Variants in PNLIPRP3 observed in about 807,000 individuals in gnomAD.
The protein encoded by PNLIPRP3 is pancreatic lipase-related protein 3.
Under a neutral mutation model 52.8 loss-of-function variants are expected in PNLIPRP3, and 58 were observed. That is an observed-to-expected ratio of 1.10 (90% CI 0.89 to 1.37). The LOEUF (loss-of-function observed/expected upper bound fraction) is 1.37, where lower values mean the gene tolerates loss of function less well. PNLIPRP3 is among the 40% of genes most tolerant of loss of function. The pLI, the probability that PNLIPRP3 is intolerant of heterozygous loss-of-function variation, is 0.00. For synonymous variants in PNLIPRP3, 192 were observed against 185.0 expected (o/e 1.04, Z -0.31); for missense variants, 593 against 561.6 (o/e 1.06, Z -0.57).
chr10:116,445,858 C>T (rs1302713733), intron 4 of PNLIPRP3, among the ~76,000 whole-genome samples: 1 of 152,108 alleles, frequency 6.6e-6, no homozygotes, highest in East Asian at 1.9e-4. Context: ...TTCTCCACCT[C>T]TCTTTCTGTC....
intron 4 of PNLIPRP3, among the ~76,000 whole-genome samples, chr10:116,451,059 G>A (rs1846029023): frequency 1.3e-5 from 2 of 152,232 alleles, no homozygotes; most frequent in African/African-American, 4.8e-5. Flanking sequence ...TGAAAGTACA[G>A]CAATTAAAGC....
Position 116,444,362 on chromosome 10 carries a change from T to C in PNLIPRP3, c.325-20T>C, listed in dbSNP as rs1412487325. 6.4e-7 allele frequency: 1 copy of C among 1,569,164 alleles called. No individual in the cohort carries two copies. Among genetic ancestry groups the C allele is most frequent in the South Asian group, 1.2e-5 (1 of 83,714 alleles). ...CTTGAACACTTATTTATTTAATATT[T>C]ATATAAATCTTTGTGCCAGGTGTTG... On this transcript the variant is annotated intron_variant, in intron 3 of 11. Transcript: ENST00000369230.
chr10:116,430,747 T>C (rs571382230), intron 1 of PNLIPRP3, among the ~76,000 whole-genome samples: 1 of 152,322 alleles, frequency 6.6e-6, no homozygotes, highest in East Asian at 1.9e-4. Flanking sequence ...CTGCCATAAA[T>C]TTAACAATTG....
chr10:116,436,647 T>C (rs1032482562), intron 1 of PNLIPRP3, 64 bp from the exon 2 acceptor site: 3 of 1,423,678 alleles, frequency 2.1e-6, no homozygotes, highest in Non-Finnish European at 2.8e-6. Context: ...TAACTCATAG[T>C]GAGAAACACA....
At chr10:116,430,031 G>A (rs183473182) in intron 1 of PNLIPRP3, among the ~76,000 whole-genome samples, 4 of 152,316 alleles carry the variant, frequency 2.6e-5, no homozygotes, top group Admixed American at 2.6e-4. Flanking sequence ...AGTTGGTAAA[G>A]CAGGAGAAAG....
chr10:116,476,900 G>C, intron 11 of PNLIPRP3, 81 bp downstream of exon 11: 2 of 1,383,186 alleles, frequency 1.4e-6, no homozygotes, highest in Non-Finnish European at 1.9e-6. Flanking sequence ...TTTGAAATGT[G>C]CAAGTAGCAT....
rs1371254946 is a variant in PNLIPRP3, at chr10:116,465,533, T to TA, written c.809-507dup. 1.8e-3 allele frequency among the ~76,000 whole-genome samples: 264 copies of TA among 145,382 alleles called. 2 individuals are homozygous for TA. The highest frequency in any genetic ancestry group is 1.3e-3 in the Non-Finnish European group (88 of 66,104). On this transcript the variant is annotated intron_variant, in intron 7 of 11. Coordinates refer to ENST00000369230, the MANE Select transcript of PNLIPRP3 (RefSeq NM_001011709.3). ...CTGGGTGACAGAGCCAGACTCCATC[T>TA]AAAAAAAAAACAAAACAAACAAACA...
intron 1 of PNLIPRP3, 76 bp downstream of exon 1, chr10:116,428,137 T>C (rs1845663066): frequency 2.8e-6 from 3 of 1,077,040 alleles, no homozygotes; most frequent in Non-Finnish European, 4.1e-6. Flanking sequence ...TGACATGAAC[T>C]TATTCTTTAG....
At position 116,443,066 on chromosome 10, in the gene PNLIPRP3, G is replaced by T. The variant is rs1054480837; in HGVS notation, c.216G>T (p.Ala72=). The T allele has an allele frequency of 6.3e-7, 1 of 1,593,048 alleles. No homozygotes were observed. Among genetic ancestry groups the T allele is most frequent in the Non-Finnish European group, 8.6e-7 (1 of 1,165,936 alleles). ...HNPNAYQEIS[A]VNSSTIQASY... ...TCTGCTTGAAACAGGAGATCAGTGC[G>T]GTTAATTCTTCAACTATCCAAGCCT... Residue 72 remains alanine, a synonymous_variant, in exon 3 of 12, where the codon GCG becomes GCT. Transcript: ENST00000369230.
intron 2 of PNLIPRP3, chr10:116,439,921 G>T: frequency 1.1e-6 from 1 of 872,742 alleles, no homozygotes; most frequent in Non-Finnish European, 2.0e-6. Context: ...GCGCTTCTTG[G>T]AAAATTCTGC....
intron 4 of PNLIPRP3, among the ~76,000 whole-genome samples, chr10:116,453,172 GCCTGC>G: frequency 6.6e-6 from 1 of 152,262 alleles, no homozygotes; most frequent in Admixed American, 6.5e-5. Context: ...AAGATTTAAT[GCCTGC>G]CCTGCTGGGT....
chr10:116,476,813 G>C lies in PNLIPRP3; in HGVS notation c.1334G>C (p.Gly445Ala), dbSNP rs753083268. ...GTGATAAATACATCTGGGAAATATG[G>C]ATATAAGTAAGTATTGCTTTTTCCT... ...EMVINTSGKY[G>A]YKSTFCSQDI... The change falls in exon 11 of 12, where the codon GGA (glycine) becomes GCA (alanine). Residue 445 changes from glycine to alanine, a missense_variant. Coordinates refer to ENST00000369230, the MANE Select transcript of PNLIPRP3 (RefSeq NM_001011709.3). 2 of 1,591,746 alleles carry C rather than the reference G, an allele frequency of 1.3e-6. No homozygotes were observed. Among genetic ancestry groups the C allele is most frequent in the Admixed American group, 1.8e-5 (1 of 54,836 alleles).
In PNLIPRP3 at chr10:116,457,372, T is replaced by TCA. The variant is rs1491304471; in HGVS notation, c.565+1555_565+1556dup. Among the ~76,000 whole-genome samples, 38 of 151,650 alleles carry TCA rather than the reference T, an allele frequency of 2.5e-4. No individual in the cohort carries two copies. In the South Asian group the frequency reaches 4.2e-3, roughly 17 times the overall value. On this transcript the variant is annotated intron_variant, in intron 5 of 11. Coordinates refer to ENST00000369230, the MANE Select transcript of PNLIPRP3 (RefSeq NM_001011709.3). ...TGTGTGTACGTGCTCGCTCTCTCTC[T>TCA]CACACACACACACATACATGCACAC...
Position 116,455,845 on chromosome 10 carries a change from C to A in PNLIPRP3, c.565+15C>A. 1.9e-6 allele frequency: 3 copies of A among 1,582,728 alleles called. No homozygotes were observed. Among genetic ancestry groups the A allele is most frequent in the Non-Finnish European group, 8.7e-7 (1 of 1,151,928 alleles). On this transcript the variant is annotated intron_variant, in intron 5 of 11. Transcript: ENST00000369230. ...AAGAATAACTGGTAAGCATGCCCTGCAGTTGGGCCTTGAGTGTGTTTAAAT... is the reference window on the plus strand; with the variant it reads ...AAGAATAACTGGTAAGCATGCCCTGAAGTTGGGCCTTGAGTGTGTTTAAAT...
chr10:116,450,177 T>C (rs1594483), intron 4 of PNLIPRP3, among the ~76,000 whole-genome samples: 134,769 of 152,232 alleles, frequency 0.89, 60,652 homozygotes, highest in Non-Finnish European at 0.97. Context: ...CCTAACTTTA[T>C]ACCTAAAAGA....
chr10:116,439,505 C>A, intron 2 of PNLIPRP3: 1 of 756,016 alleles, frequency 1.3e-6, no homozygotes, highest in Non-Finnish European at 2.3e-6. Context: ...CTTCATCCTC[C>A]TCTTCCACTT....
chr10:116,436,474 C>T (rs910201995), intron 1 of PNLIPRP3, among the ~76,000 whole-genome samples: 9 of 151,904 alleles, frequency 5.9e-5, no homozygotes, highest in African/African-American at 1.5e-4. Context: ...GCACAGGCAA[C>T]GAAATAAAAT....
At chr10:116,451,932 G>T (rs1169185615) in intron 4 of PNLIPRP3, among the ~76,000 whole-genome samples, 1 of 152,184 alleles carries the variant, frequency 6.6e-6, no homozygotes, top group African/African-American at 2.4e-5. Flanking sequence ...GAGCAATGTT[G>T]GGAGAGTTGT....
At chr10:116,446,396 A>T (rs561100628) in intron 4 of PNLIPRP3, among the ~76,000 whole-genome samples, 214 of 150,342 alleles carry the variant, frequency 1.4e-3, no homozygotes, top group African/African-American at 4.3e-3. Context: ...AGAGGAAGGG[A>T]TGTTCTAATG....
Sources: allele counts gnomAD v4.1 joint callset (sites outside exome capture counted in the v4.1 genomes callset), GRCh38; gene constraint gnomAD v4.1.1; transcripts MANE v1.5; gene names NCBI Gene and HGNC (gene_info 2026-07-23, HGNC 2026-07-21).